GLIS3: variants seen among roughly 807,000 people sequenced by gnomAD.
The protein encoded by GLIS3 is GLIS family zinc finger 3, also known as zinc finger protein GLIS3.
In GLIS3, 53 loss-of-function variants were observed where a neutral mutation model predicts 78.6. The observed-to-expected ratio is 0.67, with a 90% CI of 0.54 to 0.85. GLIS3 has a LOEUF of 0.85. Ranked by LOEUF, GLIS3 falls within the 40% of genes least tolerant of loss-of-function variation. The pLI, the probability that GLIS3 is intolerant of heterozygous loss-of-function variation, is 0.00. For missense variants in GLIS3, 1,703 were observed against 1,231.1 expected (o/e 1.38, Z -5.74); for synonymous variants, 684 against 509.9 (o/e 1.34, Z -4.60).
chr9:4,010,532 G>C (rs1227207318), intron 4 of GLIS3, among the ~76,000 whole-genome samples: 1 of 151,540 alleles, frequency 6.6e-6, no homozygotes, highest in African/African-American at 2.4e-5. Context: ...CAGAAGTGAA[G>C]AAGAAGCCAC....
intron 2 of GLIS3, among the ~76,000 whole-genome samples, chr9:4,149,633 C>G (rs1834513858): frequency 6.6e-6 from 1 of 152,208 alleles, no homozygotes; most frequent in African/African-American, 2.4e-5. Flanking sequence ...TGACACTAGT[C>G]TAACCTTTAA....
At chr9:4,163,044 A>G (rs1586848600) in intron 2 of GLIS3, among the ~76,000 whole-genome samples, 1 of 152,190 alleles carries the variant, frequency 6.6e-6, no homozygotes, top group Non-Finnish European at 1.5e-5. Flanking sequence ...GGAAGTAGCA[A>G]CAATGCCTGG....
intron 4 of GLIS3, among the ~76,000 whole-genome samples, chr9:4,052,188 A>G (rs1020062085): frequency 6.6e-6 from 1 of 152,206 alleles, no homozygotes; most frequent in African/African-American, 2.4e-5. Flanking sequence ...ATACCAAATA[A>G]AACTTTCTCC....
chr9:4,115,164 G>C (rs1173750849), intron 4 of GLIS3, among the ~76,000 whole-genome samples: 1 of 152,150 alleles, frequency 6.6e-6, no homozygotes, highest in African/African-American at 2.4e-5. Context: ...ACACAATGTG[G>C]TCATCATTTC....
chr9:4,431,257 T>A, the GLIS3 span, among the ~76,000 whole-genome samples: 1 of 152,218 alleles, frequency 6.6e-6, no homozygotes, highest in African/African-American at 2.4e-5. Context: ...AAACTTCACA[T>A]ATTCGTGAAT....
intron 4 of GLIS3, among the ~76,000 whole-genome samples, chr9:4,046,990 G>C (rs913109346): frequency 6.6e-6 from 1 of 152,180 alleles, no homozygotes; most frequent in African/African-American, 2.4e-5. Flanking sequence ...AGTTGTCGGA[G>C]TGTAGACTTC....
At chr9:4,120,553 G>A (rs949677795) in intron 3 of GLIS3, among the ~76,000 whole-genome samples, 3 of 152,194 alleles carry the variant, frequency 2.0e-5, no homozygotes, top group African/African-American at 7.2e-5. Context: ...CTCAGCTGAA[G>A]GCTCCTGGTG....
chr9:4,256,254 G>T (rs1484315219), intron 2 of GLIS3, among the ~76,000 whole-genome samples: 2 of 152,048 alleles, frequency 1.3e-5, no homozygotes, highest in African/African-American at 4.8e-5. Flanking sequence ...TGCAAAAAAA[G>T]AGTCCTTTTA....
chr9:4,167,656 C>T (rs1815986402), intron 2 of GLIS3, among the ~76,000 whole-genome samples: 1 of 152,190 alleles, frequency 6.6e-6, no homozygotes, highest in Non-Finnish European at 1.5e-5. Flanking sequence ...AAGGTGTACA[C>T]GTTGGTAGCA....
chr9:4,454,660 T>C, the GLIS3 span, among the ~76,000 whole-genome samples: 1 of 152,202 alleles, frequency 6.6e-6, no homozygotes, highest in African/African-American at 2.4e-5. Context: ...TCTATTTCTG[T>C]TTTGAAGAGC....
At chr9:4,317,068 C>T (rs748459221) in intron 2 of GLIS3, among the ~76,000 whole-genome samples, 12 of 152,162 alleles carry the variant, frequency 7.9e-5, no homozygotes, top group Non-Finnish European at 1.6e-4. Flanking sequence ...GATGCTTGAG[C>T]AGGGCACTTA....
In GLIS3 at chr9:4,093,687, G is replaced by A. The variant is rs151044612; in HGVS notation, c.1710+24081C>T. 2.0e-5 allele frequency among the ~76,000 whole-genome samples: 3 copies of A among 152,314 alleles called. No individual in the cohort carries two copies. In the East Asian group the frequency reaches 5.8e-4, roughly 29 times the overall value. Reference sequence around the variant, plus strand: ...CTTATCACAGGACAAGGCACCTTCAGCTTCCTTGCTAACCCACTGGCTGAG... The same window carrying A: ...CTTATCACAGGACAAGGCACCTTCAACTTCCTTGCTAACCCACTGGCTGAG... On this transcript the variant is annotated intron_variant, in intron 4 of 10. Coordinates refer to ENST00000381971, the MANE Select transcript of GLIS3 (RefSeq NM_001042413.2).
At chr9:4,022,448 T>A (rs1420470131) in intron 4 of GLIS3, among the ~76,000 whole-genome samples, 2 of 152,342 alleles carry the variant, frequency 1.3e-5, no homozygotes, top group East Asian at 3.9e-4. Flanking sequence ...GCAAAAAATA[T>A]TAAACTTTCT....
At chr9:3,924,132 T>G (rs1450724148) in intron 6 of GLIS3, among the ~76,000 whole-genome samples, 1 of 152,234 alleles carries the variant, frequency 6.6e-6, no homozygotes, top group Non-Finnish European at 1.5e-5. Flanking sequence ...CTTGCTTTCC[T>G]TTGTCTGGAT....
intron 9 of GLIS3, among the ~76,000 whole-genome samples, chr9:3,839,275 A>G (rs1417564558): frequency 6.6e-6 from 1 of 152,202 alleles, no homozygotes; most frequent in Non-Finnish European, 1.5e-5. Context: ...ATTTCTAAAT[A>G]TCTAGATATT....
intron 4 of GLIS3, among the ~76,000 whole-genome samples, chr9:4,104,275 T>A (rs1023414416): frequency 1.3e-5 from 2 of 152,178 alleles, no homozygotes; most frequent in Non-Finnish European, 2.9e-5. Flanking sequence ...CCTATCTCAG[T>A]TAAAGATAAC....
At chr9:4,048,925 C>A (rs549695748) in intron 4 of GLIS3, among the ~76,000 whole-genome samples, 1 of 152,174 alleles carries the variant, frequency 6.6e-6, no homozygotes, top group Non-Finnish European at 1.5e-5. Flanking sequence ...TGCATGCTTT[C>A]ACTTTGAAAT....
At chr9:4,080,897 C>A (rs1359180225) in intron 4 of GLIS3, among the ~76,000 whole-genome samples, 3 of 152,198 alleles carry the variant, frequency 2.0e-5, no homozygotes, top group Non-Finnish European at 2.9e-5. Context: ...AACCTTCACA[C>A]CCCCTTCACC....
chr9:3,857,549 G>A (rs1206556921), intron 8 of GLIS3, among the ~76,000 whole-genome samples: 1 of 152,198 alleles, frequency 6.6e-6, no homozygotes, highest in East Asian at 1.9e-4. Flanking sequence ...AGAAGAAAGT[G>A]AATGTAAGAA....
Sources: gnomAD v4.1 joint callset for allele counts (sites outside exome capture counted in the v4.1 genomes callset) on GRCh38, gnomAD v4.1.1 for gene constraint, MANE v1.5 for transcripts, NCBI Gene and HGNC (gene_info 2026-07-23, HGNC 2026-07-21) for gene names.